CWC15: variants seen among roughly 807,000 people sequenced by gnomAD.
CWC15 encodes spliceosome-associated protein CWC15 homolog.
CWC15 carries 12 observed loss-of-function variants against 28.4 expected under a neutral mutation model. The ratio of observed to expected loss-of-function variants is 0.42; its 90% CI spans 0.27 to 0.69. The LOEUF is 0.69. CWC15 is among the 30% of genes least tolerant of loss of function. The pLI, the probability that CWC15 is intolerant of heterozygous loss-of-function variation, is 0.23. For missense variants in CWC15, 192 were observed against 271.5 expected, an observed-to-expected ratio of 0.71 and a Z score of 2.06; for synonymous variants, 92 against 88.4, an observed-to-expected ratio of 1.04 and a Z score of -0.23.
chr11:94,972,248 A>G, intron 1 of CWC15, 55 bp from the exon 2 acceptor site: 1 of 1,519,140 alleles, frequency 6.6e-7, no homozygotes, highest in Non-Finnish European at 9.1e-7. Context: ...CTCATTTTAT[A>G]GAGTATTAAT....
Position 94,963,376 on chromosome 11 carries a change from A to G in CWC15, c.*9T>C. On this transcript the variant is annotated 3_prime_UTR_variant, in exon 7 of 7. Transcript: ENST00000279839. Reference sequence around the variant, plus strand: ...TTTTACAGTCTTTAATTAAGCACATAAAACTGTACTATTTAATATATTTCT... The same window carrying G: ...TTTTACAGTCTTTAATTAAGCACATGAAACTGTACTATTTAATATATTTCT... The G allele has an allele frequency of 1.9e-6, 3 of 1,564,162 alleles. No individual in the cohort carries two copies. Among genetic ancestry groups the G allele is most frequent in the Non-Finnish European group, 2.6e-6 (3 of 1,152,986 alleles).
chr11:94,968,636 A>G (rs1555095699), intron 5 of CWC15, among the ~76,000 whole-genome samples: 1 of 152,206 alleles, frequency 6.6e-6, no homozygotes. Context: ...TAAAAACTAT[A>G]AGCTATTACA....
intron 5 of CWC15, among the ~76,000 whole-genome samples, chr11:94,967,177 G>C (rs1857658383): frequency 6.6e-6 from 1 of 151,702 alleles, no homozygotes; most frequent in Admixed American, 6.6e-5. Flanking sequence ...TCTGGCACGT[G>C]CCATCATGCC....
chr11:94,967,856 G>A (rs587691925), intron 5 of CWC15, among the ~76,000 whole-genome samples: 35 of 152,206 alleles, frequency 2.3e-4, no homozygotes, highest in African/African-American at 7.9e-4. Context: ...AAATTATACC[G>A]ATGCTTAAAG....
chr11:94,970,412 G>A (rs1313561094), intron 4 of CWC15: 7 of 200,230 alleles, frequency 3.5e-5, no homozygotes, highest in South Asian at 1.4e-4. Flanking sequence ...CTCATTGGAT[G>A]CCACTCAGGT....
intron 6 of CWC15, 107 bp from the exon 7 acceptor site, chr11:94,963,621 T>C: frequency 1.2e-6 from 1 of 845,932 alleles, no homozygotes; most frequent in Non-Finnish European, 1.7e-6. Context: ...ATGCTCAACA[T>C]GTGTATCATC....
chr11:94,971,293 T>C (rs753542250), intron 3 of CWC15, 82 bp downstream of exon 3: 2 of 1,181,118 alleles, frequency 1.7e-6, no homozygotes, highest in Non-Finnish European at 2.5e-6. Context: ...AAACAAATGG[T>C]TAACATTTTC....
chr11:94,969,009 TTCTC>T, intron 5 of CWC15, among the ~76,000 whole-genome samples: 1 of 152,318 alleles, frequency 6.6e-6, no homozygotes, highest in Admixed American at 6.5e-5. Flanking sequence ...CAACTACCTC[TTCTC>T]TCTGCCTAAA....
At chr11:94,966,216 C>T (rs1857637564) in intron 6 of CWC15, 79 bp downstream of exon 6, 2 of 833,186 alleles carry the variant, frequency 2.4e-6, no homozygotes, top group Non-Finnish European at 3.8e-6. Context: ...TGTGTATACA[C>T]ATACACATAT....
intron 2 of CWC15, among the ~76,000 whole-genome samples, chr11:94,971,737 CTT>C (rs1235767479): frequency 3.9e-5 from 6 of 152,168 alleles, no homozygotes; most frequent in Admixed American, 2.6e-4. Flanking sequence ...ATTAAAATGT[CTT>C]TAATTTTTAT....
chr11:94,971,972 C>A, intron 2 of CWC15, 83 bp downstream of exon 2: 1 of 1,234,856 alleles, frequency 8.1e-7, no homozygotes, highest in Non-Finnish European at 1.1e-6. Flanking sequence ...TGACATAACT[C>A]AAACATACTA....
In CWC15 at chr11:94,971,400, C is replaced by T. The variant is rs1857717878; in HGVS notation, c.219G>A (p.Glu73=). 7 of 1,612,422 alleles carry T rather than the reference C, an allele frequency of 4.3e-6. No homozygotes were observed. The highest frequency in any genetic ancestry group is 1.3e-5 in the African/African-American group (1 of 74,866). ...CTCGGGTTGGACGATCCCTATTTTTCTCTCTTGCAGCAGCTCTCTCTCTTT... is the reference window on the plus strand; with the variant it reads ...CTCGGGTTGGACGATCCCTATTTTTTTCTCTTGCAGCAGCTCTCTCTCTTT... ...LEERERAAAR[E]KNRDRPTREH... Residue 73 remains glutamate, a synonymous_variant, in exon 3 of 7, where the codon GAG becomes GAA. Coordinates refer to ENST00000279839, the MANE Select transcript of CWC15 (RefSeq NM_016403.4).
At chr11:94,970,341 G>GAGTA (rs1857702386) in intron 4 of CWC15, 4 of 334,334 alleles carry the variant, frequency 1.2e-5, no homozygotes, top group Non-Finnish European at 2.2e-5. Flanking sequence ...TAACTATTAT[G>GAGTA]AGTAACTCCA....
At chr11:94,966,721 CAT>C (rs1239363786) in intron 5 of CWC15, among the ~76,000 whole-genome samples, 1 of 152,018 alleles carries the variant, frequency 6.6e-6, no homozygotes, top group Admixed American at 6.5e-5. Context: ...TCTTGAAGTA[CAT>C]GTCAAATTAA....
chr11:94,965,427 CT>C (rs1218645027), intron 6 of CWC15, among the ~76,000 whole-genome samples: 2 of 152,100 alleles, frequency 1.3e-5, no homozygotes, highest in African/African-American at 2.4e-5. Flanking sequence ...TTCAGCCCTC[CT>C]TTTTTACCCC....
At position 94,970,539 on chromosome 11, in the gene CWC15, C is replaced by G. The variant is rs79978139; in HGVS notation, c.333+438G>C. The G allele has an allele frequency of 5.6e-3, 974 of 173,458 alleles. 14 individuals carry two copies. Among genetic ancestry groups the G allele is most frequent in the African/African-American group, 0.022 (923 of 41,898 alleles). 10.7% of individuals were successfully genotyped at this position (173,458 alleles called of 1,614,324 possible). On this transcript the variant is annotated intron_variant, in intron 4 of 6. Transcript: ENST00000279839. ...AAAACCTTCTGCTTAGATTACTTCC[C>G]TCCCTAAGCACAGAGGGAACCATTA...
chr11:94,964,736 A>G (rs1421032485), intron 6 of CWC15, among the ~76,000 whole-genome samples: 1 of 152,024 alleles, frequency 6.6e-6, no homozygotes, highest in Non-Finnish European at 1.5e-5. Context: ...AGACTTTTTC[A>G]TTCAAAATTA....
At chr11:94,963,977 C>T (rs7937776) in intron 6 of CWC15, among the ~76,000 whole-genome samples, 121,949 of 151,862 alleles carry the variant, frequency 0.8, 49,114 homozygotes, top group East Asian at 0.96. Context: ...ACTGTAATAT[C>T]CACATTATAG....
At chr11:94,969,517 T>C (rs1857689123) in intron 5 of CWC15, among the ~76,000 whole-genome samples, 1 of 152,136 alleles carries the variant, frequency 6.6e-6, no homozygotes, top group Non-Finnish European at 1.5e-5. Flanking sequence ...TATCTTTGAG[T>C]TTTATATTTT....
Sources: gnomAD v4.1 joint callset for allele counts (sites outside exome capture counted in the v4.1 genomes callset) on GRCh38, gnomAD v4.1.1 for gene constraint, MANE v1.5 for transcripts, NCBI Gene and HGNC (gene_info 2026-07-23, HGNC 2026-07-21) for gene names.